HAUS3: variants seen among roughly 807,000 people sequenced by gnomAD.
The protein encoded by HAUS3 is HAUS augmin like complex subunit 3.
A neutral mutation model predicts 55.2 loss-of-function variants in HAUS3; 36 were observed. The ratio of observed to expected loss-of-function variants is 0.65; its 90% CI spans 0.50 to 0.86. The LOEUF (loss-of-function observed/expected upper bound fraction) is 0.86, where lower values mean the gene tolerates loss of function less well. HAUS3 is among the 40% of genes least tolerant of loss of function. The probability of loss-of-function intolerance (pLI) is 0.00; values close to 1 mark genes in which losing one functional copy is unlikely to be tolerated. For synonymous variants in HAUS3, 234 were observed against 238.6 expected (o/e 0.98, Z 0.18); for missense variants, 752 against 671.5 (o/e 1.12, Z -1.33).
rs190825674 is a variant in HAUS3 at position 2,240,191 on chromosome 4, T to C, written c.756A>G (p.Gln252=). 2 of 1,614,116 alleles carry C rather than the reference T, an allele frequency of 1.2e-6. No homozygotes were observed. The highest frequency in any genetic ancestry group is 1.7e-5 in the Admixed American group (1 of 60,014). ...DIQTPSICDN[Q]EILEERRLEM... Reference sequence around the variant, plus strand: ...CTAGTCGTCTCTCCTCAAGGATTTCTTGATTATCACAAATAGATGGTGTCT... The same window carrying C: ...CTAGTCGTCTCTCCTCAAGGATTTCCTGATTATCACAAATAGATGGTGTCT... Residue 252 remains glutamine, a synonymous_variant, in exon 3 of 6, where the codon CAA becomes CAG. Transcript: ENST00000443786.
intron 3 of HAUS3, among the ~76,000 whole-genome samples, chr4:2,239,444 T>C (rs770204817): frequency 3.3e-5 from 5 of 152,240 alleles, no homozygotes; most frequent in Admixed American, 6.5e-5. Context: ...GGATTTCCTA[T>C]ATCATTCAAA....
rs1399664774 is a variant in HAUS3, at chr4:2,238,896, T to C, written c.1057A>G (p.Lys353Glu). 2 of 1,613,224 alleles carry C rather than the reference T, an allele frequency of 1.2e-6. No homozygotes were observed. The highest frequency in any genetic ancestry group is 1.7e-6 in the Non-Finnish European group (2 of 1,179,640). ...GCAATCTGCAGATCAAAATCTCCCTTTACCACTGGCATATTCAATAACTGG... is the reference window on the plus strand; with the variant it reads ...GCAATCTGCAGATCAAAATCTCCCTCTACCACTGGCATATTCAATAACTGG... The part of the protein sequence containing the change: ...NAQLLNMPVV[K>E]GDFDLQIAKQ... The change falls in exon 4 of 6, where the codon AAG (lysine) becomes GAG (glutamate). Residue 353 changes from lysine (K) to glutamate (E), a missense_variant. Physicochemically the swap from Lys to Glu is moderately conservative, Grantham distance 56 (BLOSUM62 1). Transcript: ENST00000443786.
Position 2,228,844 on chromosome 4 carries a change from T to C in HAUS3, c.*3083A>G, listed in dbSNP as rs1278097637. On this transcript the variant is annotated 3_prime_UTR_variant, in exon 6 of 6. Coordinates refer to ENST00000443786, the MANE Select transcript of HAUS3 (RefSeq NM_001303143.2). ...AGCATCTCTTTTGAAAATACTAAAA[T>C]ACCTGATCCAGATTCTAAGGGAATG... is the stretch of plus-strand genomic sequence containing the variant. 3 of 351,598 alleles carry C rather than the reference T, an allele frequency of 8.5e-6. No individual in the cohort carries two copies. Among genetic ancestry groups the C allele is most frequent in the Non-Finnish European group, 1.5e-5 (3 of 195,426 alleles). 21.8% of individuals were successfully genotyped at this position (351,598 alleles called of 1,614,324 possible). A position where few individuals can be genotyped will look rare whatever the true frequency, so the allele number is the denominator to read the frequency against.
At chr4:2,236,591 G>A (rs1734775961) in intron 4 of HAUS3, 135 bp from the exon 5 acceptor site, 1 of 646,172 alleles carries the variant, frequency 1.5e-6, no homozygotes, top group Admixed American at 2.7e-5. Context: ...GGGTACAGTA[G>A]CTCACGCCTG....
At chr4:2,241,462 T>A in intron 2 of HAUS3, 58 bp downstream of exon 2, 2 of 980,860 alleles carry the variant, frequency 2.0e-6, no homozygotes, top group Non-Finnish European at 2.4e-6. Flanking sequence ...CTGCCCTCCG[T>A]ACGTAAGAAG....
Position 2,236,226 on chromosome 4 carries a change from A to G in HAUS3, c.1578+2T>C. On this transcript the variant is annotated splice_donor_variant, in intron 5 of 5. Coordinates refer to ENST00000443786, the MANE Select transcript of HAUS3 (RefSeq NM_001303143.2). LOFTEE classifies it high-confidence loss of function. ...TTTTTAACTACTATGGCAAATACCC[A>G]CCTGATCACTAAGCAAAAGCTGATT... 6.3e-7 allele frequency: 1 copy of G among 1,581,044 alleles called. No homozygotes were observed. Among genetic ancestry groups the G allele is most frequent in the Non-Finnish European group, 8.7e-7 (1 of 1,151,726 alleles).
chr4:2,241,413 C>A (rs1734980454), intron 2 of HAUS3, 107 bp downstream of exon 2: 5 of 811,174 alleles, frequency 6.2e-6, no homozygotes, highest in Non-Finnish European at 7.5e-6. Context: ...TGGATCCAAA[C>A]AAACCCAAGC....
intron 4 of HAUS3, among the ~76,000 whole-genome samples, chr4:2,237,567 T>C (rs991622260): frequency 3.3e-5 from 5 of 151,964 alleles, no homozygotes; most frequent in African/African-American, 1.2e-4. Flanking sequence ...AGCAATGAAT[T>C]TGAAACGGAA....
chr4:2,229,310 AATT>A lies in HAUS3; in HGVS notation c.*2614_*2616del. 1 of 1,275,642 alleles carries A rather than the reference AATT, an allele frequency of 7.8e-7. No individual in the cohort carries two copies. Among genetic ancestry groups the A allele is most frequent in the South Asian group, 1.7e-5 (1 of 57,802 alleles). 79.0% of individuals were successfully genotyped at this position (1,275,642 alleles called of 1,614,324 possible). A position where few individuals can be genotyped will look rare whatever the true frequency, so the allele number is the denominator to read the frequency against. On this transcript the variant is annotated 3_prime_UTR_variant, in exon 6 of 6. Coordinates refer to ENST00000443786, the MANE Select transcript of HAUS3 (RefSeq NM_001303143.2). The stretch of plus-strand genomic sequence containing the variant: ...CCTAAGACTATAAAACAGGAAATAC[AATT>A]ATTTTCAAAAATTTATATACCAACT...
rs1382455917 is a variant in HAUS3, at chr4:2,229,465, T to G, written c.*2462A>C. On this transcript the variant is annotated 3_prime_UTR_variant, in exon 6 of 6. Transcript: ENST00000443786. ...GGTATCATAGTAAATAGATAACTTA[T>G]TTTCTAGGTGACCAATTTAGAAGCA... 1.7e-5 allele frequency: 6 copies of G among 349,988 alleles called. No individual in the cohort carries two copies. The highest frequency in any genetic ancestry group is 1.1e-4 in the African/African-American group (5 of 46,754). The allele number at this position is 349,988 out of a possible 1,614,324, so 21.7% of individuals were successfully genotyped here.
rs751111781 is a variant in HAUS3, at chr4:2,232,065, TTTTC to T, written c.1670_1673del (p.Arg557LysfsTer20). ...GATGTAATTTATTATTTGCCAAAGT[TTTTC>T]TTTTTGTCTTCACATCAGCAAGAAT... is the stretch of plus-strand genomic sequence containing the variant. On this transcript the variant is annotated frameshift_variant, in exon 6 of 6. Coordinates refer to ENST00000443786, the MANE Select transcript of HAUS3 (RefSeq NM_001303143.2). LOFTEE classifies it high-confidence loss of function. The T allele has an allele frequency of 3.3e-5, 53 of 1,594,478 alleles. No homozygotes were observed. In the African/African-American group the frequency reaches 6.8e-4, roughly 21 times the overall value.
intron 5 of HAUS3, among the ~76,000 whole-genome samples, chr4:2,235,938 GA>G (rs888972073): frequency 2.0e-5 from 3 of 149,540 alleles, no homozygotes; most frequent in African/African-American, 4.9e-5. Context: ...TAAGATGAGT[GA>G]AAAAAAAATA....
intron 1 of HAUS3, 61 bp downstream of exon 1, chr4:2,241,990 A>T: frequency 2.0e-6 from 2 of 985,466 alleles, no homozygotes; most frequent in Non-Finnish European, 2.4e-6. Context: ...GCAGACGGGG[A>T]TCGCGGCCAC....
intron 3 of HAUS3, 148 bp downstream of exon 3, chr4:2,239,890 A>C: frequency 1.5e-6 from 1 of 648,934 alleles, no homozygotes; most frequent in Non-Finnish European, 2.6e-6. Flanking sequence ...TGAAACATTG[A>C]CACAGATCAC....
In HAUS3 at chr4:2,236,428, T is replaced by C; in HGVS notation, c.1378A>G (p.Lys460Glu). ...RLYQVLEGENKKKELFLTHGN... is the reference protein window; with the variant it reads ...RLYQVLEGENEKKELFLTHGN... Reference sequence around the variant, plus strand: ...TGAGTTAGAAACAATTCTTTTTTCTTATTCTCTCCCTCCAAAACTTGGTAA... The same window carrying C: ...TGAGTTAGAAACAATTCTTTTTTCTCATTCTCTCCCTCCAAAACTTGGTAA... The change falls in exon 5 of 6, where the codon AAG becomes GAG. Residue 460 changes from lysine to glutamate, a missense_variant. Transcript: ENST00000443786. 1 of 1,612,586 alleles carries C rather than the reference T, an allele frequency of 6.2e-7. No homozygotes were observed. The highest frequency in any genetic ancestry group is 8.5e-7 in the Non-Finnish European group (1 of 1,178,886).
intron 5 of HAUS3, among the ~76,000 whole-genome samples, chr4:2,235,420 T>C (rs181021852): frequency 6.6e-6 from 1 of 152,320 alleles, no homozygotes; most frequent in Non-Finnish European, 1.5e-5. Context: ...TGTGCAGCTG[T>C]GAGACATATA....
At position 2,240,623 on chromosome 4, in the gene HAUS3, A is replaced by C. The variant is rs1560107163; in HGVS notation, c.324T>G (p.Thr108=). ...ELEKLEDEVQ[T]LLKLKNLKIQ... ...TTTTTAGGTTCTTTAATTTCAGTAG[A>C]GTTTGAACCTCATCCTCTAATTTCT... The change falls in exon 3 of 6, where the codon ACT becomes ACG. Residue 108 remains threonine (T), a synonymous_variant. Transcript: ENST00000443786. 6.2e-7 allele frequency: 1 copy of C among 1,613,278 alleles called. No individual in the cohort carries two copies.
chr4:2,239,382 C>T (rs1734889660), intron 3 of HAUS3, among the ~76,000 whole-genome samples: 1 of 152,198 alleles, frequency 6.6e-6, no homozygotes, highest in Non-Finnish European at 1.5e-5. Flanking sequence ...GTTAAAATTA[C>T]TTCAATAGGT....
At position 2,241,724 on chromosome 4, in the gene HAUS3, A is replaced by G; in HGVS notation, c.-352T>C. The G allele has an allele frequency of 3.0e-6, 3 of 985,502 alleles. No homozygotes were observed. The highest frequency in any genetic ancestry group is 3.6e-6 in the Non-Finnish European group (3 of 829,948). 61.0% of individuals were successfully genotyped at this position (985,502 alleles called of 1,614,324 possible). ...AGGGATCCGCGGCCCCAAGGCCGCGATACACCAGACGCGCCAGCGGCAAAA... is the reference window on the plus strand; with the variant it reads ...AGGGATCCGCGGCCCCAAGGCCGCGGTACACCAGACGCGCCAGCGGCAAAA... On this transcript the variant is annotated 5_prime_UTR_variant, in exon 2 of 6. Coordinates refer to ENST00000443786, the MANE Select transcript of HAUS3 (RefSeq NM_001303143.2).
Sources: allele counts gnomAD v4.1 joint callset (sites outside exome capture counted in the v4.1 genomes callset), GRCh38; gene constraint gnomAD v4.1.1; transcripts MANE v1.5; gene names NCBI Gene and HGNC (gene_info 2026-07-23, HGNC 2026-07-21).